The following TCF7L2 variants were observed in gnomAD, a reference collection of about 807,000 sequenced individuals.
TCF7L2 encodes the protein transcription factor 7 like 2.
TCF7L2 carries 23 observed loss-of-function variants against 77.9 expected under a neutral mutation model. That is an observed-to-expected ratio of 0.30 (90% CI 0.21 to 0.42). The LOEUF (loss-of-function observed/expected upper bound fraction) is 0.42. Ranked by LOEUF, TCF7L2 falls within the 10% of genes least tolerant of loss-of-function variation. TCF7L2 has a pLI of 1.00. For synonymous variants in TCF7L2, 413 were observed against 340.2 expected (o/e 1.21, Z -2.36); for missense variants, 654 against 793.1 (o/e 0.82, Z 2.11).
intron 5 of TCF7L2, among the ~76,000 whole-genome samples, chr10:113,112,508 T>C (rs2063261674): frequency 6.6e-6 from 1 of 152,220 alleles, no homozygotes; most frequent in Non-Finnish European, 1.5e-5. Context: ...CTGTAGCAGC[T>C]TGGGGCTTGG....
intron 5 of TCF7L2, among the ~76,000 whole-genome samples, chr10:113,050,476 C>A (rs1239726553): frequency 1.3e-5 from 2 of 152,036 alleles, no homozygotes; most frequent in East Asian, 1.9e-4. Context: ...AGAAGTGTTT[C>A]CCCCTAGCCC....
intron 4 of TCF7L2, among the ~76,000 whole-genome samples, chr10:113,037,560 A>G (rs534141238): frequency 9.2e-5 from 14 of 152,210 alleles, no homozygotes; most frequent in Admixed American, 3.9e-4. Context: ...CAGGTAGCCT[A>G]TGGAGATTGG....
At chr10:113,032,289 T>C (rs1002707855) in intron 4 of TCF7L2, among the ~76,000 whole-genome samples, 16 of 152,244 alleles carry the variant, frequency 1.1e-4, no homozygotes, top group African/African-American at 3.6e-4. Context: ...ACCTGTCAAA[T>C]GCAGAAATAG....
At chr10:113,118,518 GGGGTGTGTGTGTGTGT>G (rs1201896181) in intron 5 of TCF7L2, among the ~76,000 whole-genome samples, 2 of 45,480 alleles carry the variant, frequency 4.4e-5, no homozygotes, top group Non-Finnish European at 8.9e-5. Flanking sequence ...GGTCATCTGG[GGGGTGTGTGTGTGTGT>G]GTGTGTGTGT....
intron 3 of TCF7L2, among the ~76,000 whole-genome samples, chr10:112,961,522 T>C (rs1018506561): frequency 5.3e-5 from 8 of 152,218 alleles, no homozygotes; most frequent in Non-Finnish European, 1.2e-4. Flanking sequence ...TTAAAAAAAT[T>C]AGATTATAAT....
At position 112,950,790 on chromosome 10, in the gene TCF7L2, C is replaced by T. The variant is rs2030733334; in HGVS notation, c.34C>T (p.Leu12=). 6.3e-7 allele frequency: 1 copy of T among 1,586,462 alleles called. No individual in the cohort carries two copies. The highest frequency in any genetic ancestry group is 8.6e-7 in the Non-Finnish European group (1 of 1,164,656). ...GCTGAACGGCGGTGGAGGGGATGAC[C>T]TAGGCGCCAACGACGAACTGATTTC... The change falls in exon 1 of 14, where the codon CTA becomes TTA. Residue 12 remains leucine, a synonymous_variant. Transcript: ENST00000627217.
chr10:113,007,266 C>G (rs1202764764), intron 4 of TCF7L2, among the ~76,000 whole-genome samples: 3 of 152,222 alleles, frequency 2.0e-5, no homozygotes, highest in Non-Finnish European at 2.9e-5. Context: ...GTTTGAAGCA[C>G]TTGGGTTGTG....
intron 5 of TCF7L2, among the ~76,000 whole-genome samples, chr10:113,104,800 T>C (rs1414972261): frequency 6.6e-6 from 1 of 152,190 alleles, no homozygotes; most frequent in African/African-American, 2.4e-5. Context: ...GTCTGGGGTC[T>C]TGGGTCCCAG....
At chr10:113,163,139 T>C (rs187298808) in intron 13 of TCF7L2, among the ~76,000 whole-genome samples, 2 of 152,266 alleles carry the variant, frequency 1.3e-5, no homozygotes, top group Admixed American at 1.3e-4. Context: ...TCTGTCGCCA[T>C]AGTCTTCATG....
chr10:113,042,434 G>A (rs949835224), intron 5 of TCF7L2, among the ~76,000 whole-genome samples: 2 of 152,222 alleles, frequency 1.3e-5, no homozygotes, highest in Non-Finnish European at 2.9e-5. Context: ...GGCTGGTGGA[G>A]GAAGGTGGGC....
chr10:112,997,653 A>G (rs1267021199), intron 4 of TCF7L2, among the ~76,000 whole-genome samples: 1 of 152,218 alleles, frequency 6.6e-6, no homozygotes, highest in Admixed American at 6.5e-5. Context: ...GGTCGAGCAG[A>G]TGACAGCCTT....
intron 5 of TCF7L2, among the ~76,000 whole-genome samples, chr10:113,065,660 G>C (rs1359263407): frequency 1.3e-5 from 2 of 152,146 alleles, no homozygotes; most frequent in African/African-American, 2.4e-5. Flanking sequence ...GAGATGGACA[G>C]GTTTTGGTTT....
intron 4 of TCF7L2, among the ~76,000 whole-genome samples, chr10:113,037,557 C>T (rs1430951774): frequency 1.3e-5 from 2 of 152,084 alleles, no homozygotes; most frequent in Non-Finnish European, 2.9e-5. Context: ...GTGCAGGTAG[C>T]CTATGGAGAT....
chr10:113,064,926 A>T (rs189440446), intron 5 of TCF7L2, among the ~76,000 whole-genome samples: 30 of 152,338 alleles, frequency 2.0e-4, no homozygotes, highest in African/African-American at 6.7e-4. Context: ...AAACTTGTCA[A>T]TTGCCATTGT....
intron 6 of TCF7L2, among the ~76,000 whole-genome samples, chr10:113,141,741 G>T (rs1327283151): frequency 6.6e-6 from 1 of 152,180 alleles, no homozygotes; most frequent in Non-Finnish European, 1.5e-5. Flanking sequence ...GGCTTTCCAA[G>T]CCTCGGCTCC....
At chr10:113,004,362 A>G (rs538265112) in intron 4 of TCF7L2, among the ~76,000 whole-genome samples, 19 of 152,112 alleles carry the variant, frequency 1.2e-4, no homozygotes, top group Non-Finnish European at 2.4e-4. Flanking sequence ...GGAGCTGCAG[A>G]TGGGTGTGGA....
chr10:113,151,602 A>G lies in TCF7L2; in HGVS notation c.1002-123A>G, dbSNP rs2070773485. ...TCCGGGGTGCAGAAGAACTAAAAGC[A>G]TGCTTTTTAATCCAAAACTGCTAGG... is the stretch of plus-strand genomic sequence containing the variant. On this transcript the variant is annotated intron_variant, in intron 9 of 13. Transcript: ENST00000627217. This position sits in a 1 kb window ranked among gnomAD's most constrained non-coding sequence, Gnocchi z 5.2. The G allele has an allele frequency of 3.9e-6, 5 of 1,267,980 alleles. No individual in the cohort carries two copies. The highest frequency in any genetic ancestry group is 1.8e-5 in the South Asian group (1 of 54,586). 78.5% of individuals were successfully genotyped at this position (1,267,980 alleles called of 1,614,324 possible). A position where few individuals can be genotyped will look rare whatever the true frequency, so the allele number is the denominator to read the frequency against.
chr10:113,057,598 T>A (rs1452796046), intron 5 of TCF7L2, among the ~76,000 whole-genome samples: 6 of 152,232 alleles, frequency 3.9e-5, no homozygotes, highest in Admixed American at 6.5e-5. Context: ...GAAAACATTT[T>A]AAATACATTA....
intron 4 of TCF7L2, among the ~76,000 whole-genome samples, chr10:113,030,280 T>TATGG (rs1564804157): frequency 6.6e-6 from 1 of 152,260 alleles, no homozygotes; most frequent in Non-Finnish European, 1.5e-5. Flanking sequence ...TATTCCATTT[T>TATGG]ATGGCTGTAC....
Sources: gnomAD v4.1 joint callset for allele counts (sites outside exome capture counted in the v4.1 genomes callset) on GRCh38, gnomAD v4.1.1 for gene constraint, Gnocchi (gnomAD v3.1) non-coding constraint, MANE v1.5 for transcripts, NCBI Gene and HGNC (gene_info 2026-07-23, HGNC 2026-07-21) for gene names.